Variants in CCDC30 observed in about 807,000 individuals in gnomAD.
CCDC30 encodes the protein coiled-coil domain containing 30.
A neutral mutation model predicts 100.2 loss-of-function variants in CCDC30; 70 were observed. The observed-to-expected ratio is 0.70, with a 90% CI of 0.58 to 0.85. CCDC30 has a LOEUF of 0.85. Ranked by LOEUF, CCDC30 falls within the 40% of genes least tolerant of loss-of-function variation. The pLI is 0.00. For missense variants in CCDC30, 652 were observed against 771.2 expected (o/e 0.85, Z 1.83); for synonymous variants, 233 against 269.5 (o/e 0.86, Z 1.33).
intron 11 of CCDC30, among the ~76,000 whole-genome samples, chr1:42,627,587 T>C (rs1646956823): frequency 6.6e-6 from 1 of 152,160 alleles, no homozygotes; most frequent in African/African-American, 2.4e-5. Flanking sequence ...AAAAGTGGTT[T>C]TGTGAGCCGG....
At chr1:42,549,783 A>C (rs1645213135) in intron 6 of CCDC30, among the ~76,000 whole-genome samples, 1 of 152,190 alleles carries the variant, frequency 6.6e-6, no homozygotes, top group Admixed American at 6.6e-5. Context: ...TTGGAATTCC[A>C]ATAGCAGCCC....
chr1:42,459,408 A>G, upstream of CCDC30: 1 of 598,608 alleles, frequency 1.7e-6, no homozygotes, highest in Non-Finnish European at 2.9e-6. Context: ...CGATCCACCC[A>G]TCCTGGCCTT....
intron 6 of CCDC30, among the ~76,000 whole-genome samples, chr1:42,514,033 C>T (rs1014847645): frequency 6.6e-6 from 1 of 152,156 alleles, no homozygotes; most frequent in African/African-American, 2.4e-5. Context: ...ATCAAAATGC[C>T]TCCCACTAAT....
rs186409099 is a variant in CCDC30 at position 42,562,456 on chromosome 1, C to T, written c.457-3840C>T. On this transcript the variant is annotated intron_variant, in intron 6 of 16. Transcript: ENST00000668663. ...CTGACACCTTAAACAAAAATTAACT[C>T]AAGATGGATTAAAGACTTAAATGTA... 6.3e-4 allele frequency among the ~76,000 whole-genome samples: 96 copies of T among 152,270 alleles called. 1 individual carries two copies. The highest frequency in any genetic ancestry group is 3.4e-3 in the Middle Eastern group (1 of 294).
At chr1:42,630,935 T>C (rs186899601) in intron 11 of CCDC30, among the ~76,000 whole-genome samples, 1 of 152,322 alleles carries the variant, frequency 6.6e-6, no homozygotes, top group East Asian at 1.9e-4. Flanking sequence ...GTCTGAAAGG[T>C]CACATATCTG....
intron 7 of CCDC30, among the ~76,000 whole-genome samples, chr1:42,568,157 C>T (rs992835672): frequency 6.6e-6 from 1 of 152,160 alleles, no homozygotes; most frequent in African/African-American, 2.4e-5. Context: ...CTCTGTCACC[C>T]ATGCTGAAGT....
At chr1:42,487,360 AGT>A (rs1367331981) in intron 3 of CCDC30, among the ~76,000 whole-genome samples, 1 of 152,212 alleles carries the variant, frequency 6.6e-6, no homozygotes, top group Non-Finnish European at 1.5e-5. Flanking sequence ...GGGGGAAATA[AGT>A]GTATTAGGTG....
chr1:42,556,870 C>T (rs1645381479), intron 6 of CCDC30, among the ~76,000 whole-genome samples: 1 of 152,196 alleles, frequency 6.6e-6, no homozygotes, highest in African/African-American at 2.4e-5. Context: ...GGATGCACCA[C>T]ATTTTCCATT....
intron 9 of CCDC30, among the ~76,000 whole-genome samples, chr1:42,583,426 A>G (rs1346344390): frequency 6.6e-6 from 1 of 152,240 alleles, no homozygotes; most frequent in African/African-American, 2.4e-5. Context: ...AGGGGACCCT[A>G]TAGTGTATAT....
intron 6 of CCDC30, among the ~76,000 whole-genome samples, chr1:42,552,433 C>G (rs1386349493): frequency 6.6e-6 from 1 of 151,988 alleles, no homozygotes; most frequent in Non-Finnish European, 1.5e-5. Flanking sequence ...CTTCTATGGC[C>G]ATTATGTATT....
chr1:42,500,146 G>A, intron 6 of CCDC30: 4 of 1,387,408 alleles, frequency 2.9e-6, no homozygotes, highest in Non-Finnish European at 4.1e-6. Flanking sequence ...GCTAAAAGAA[G>A]TAAAATAAGA....
chr1:42,629,364 G>A (rs1232528130), intron 11 of CCDC30, among the ~76,000 whole-genome samples: 1 of 152,202 alleles, frequency 6.6e-6, no homozygotes, highest in African/African-American at 2.4e-5. Flanking sequence ...CTCGTGGCCT[G>A]TAAGGTTTCC....
intron 1 of CCDC30, among the ~76,000 whole-genome samples, chr1:42,464,982 C>T (rs1569651667): frequency 6.6e-6 from 1 of 152,168 alleles, no homozygotes; most frequent in Non-Finnish European, 1.5e-5. Flanking sequence ...CAATCTTGCA[C>T]ATTAAATTGG....
intron 6 of CCDC30, among the ~76,000 whole-genome samples, chr1:42,539,685 C>T (rs191073779): frequency 1.4e-4 from 21 of 152,234 alleles, no homozygotes; most frequent in African/African-American, 5.1e-4. Flanking sequence ...TAAATGTCTT[C>T]AATTTAAAAA....
At chr1:42,556,030 T>C in intron 6 of CCDC30, 126 bp from the exon 10 acceptor site, 1 of 908,606 alleles carries the variant, frequency 1.1e-6, no homozygotes, top group Non-Finnish European at 1.7e-6. Context: ...ATAAGATGAC[T>C]GTTGTGCTAT....
At chr1:42,456,331 T>G in the CCDC30 span, 1 of 603,848 alleles carries the variant, frequency 1.7e-6, no homozygotes, top group Non-Finnish European at 2.9e-6. Context: ...TGAGGGAACG[T>G]GACCCTACCA....
intron 11 of CCDC30, among the ~76,000 whole-genome samples, chr1:42,613,141 AG>A (rs1646656735): frequency 6.6e-6 from 1 of 152,230 alleles, no homozygotes; most frequent in Non-Finnish European, 1.5e-5. Context: ...AAGAAATAAA[AG>A]AATGTCTGCT....
In CCDC30 at chr1:42,545,726, C is replaced by G. The variant is rs545833657; in HGVS notation, c.457-20570C>G. 7.1e-4 allele frequency: 327 copies of G among 463,134 alleles called. 1 individual carries two copies. The highest frequency in any genetic ancestry group is 7.0e-3 in the African/African-American group (297 of 42,176). 28.7% of individuals were successfully genotyped at this position (463,134 alleles called of 1,614,324 possible). A position where few individuals can be genotyped will look rare whatever the true frequency, so the allele number is the denominator to read the frequency against. ...CTTCGGGAGACTGAGGCAGGCAGATCGCTTGAGCTCAGGAGTTTGAGACCA... is the reference window on the plus strand; with the variant it reads ...CTTCGGGAGACTGAGGCAGGCAGATGGCTTGAGCTCAGGAGTTTGAGACCA... On this transcript the variant is annotated intron_variant, in intron 6 of 16. Transcript: ENST00000668663.
At chr1:42,529,307 A>G (rs527762116) in intron 6 of CCDC30, among the ~76,000 whole-genome samples, 115 of 152,256 alleles carry the variant, frequency 7.6e-4, no homozygotes, top group African/African-American at 2.7e-3. Context: ...ATACAAAAAT[A>G]CTAAAAATAC....
Sources: gnomAD v4.1 joint callset for allele counts (sites outside exome capture counted in the v4.1 genomes callset) on GRCh38, gnomAD v4.1.1 for gene constraint, MANE v1.5 for transcripts, NCBI Gene and HGNC (gene_info 2026-07-23, HGNC 2026-07-21) for gene names.